DOCK3: variants seen among roughly 807,000 people sequenced by gnomAD.
DOCK3 encodes the protein dedicator of cytokinesis 3.
Under a neutral mutation model 265.6 loss-of-function variants are expected in DOCK3, and 60 were observed. The ratio of observed to expected loss-of-function variants is 0.23; its 90% CI spans 0.18 to 0.28. The LOEUF is 0.28. Among genes scored for constraint, DOCK3 ranks in the 10% least tolerant of loss-of-function variants. The pLI is 1.00. For synonymous variants in DOCK3, 881 were observed against 938.0 expected (o/e 0.94, Z 1.11); for missense variants, 1,981 against 2,594.3 (o/e 0.76, Z 5.14).
intron 1 of DOCK3, among the ~76,000 whole-genome samples, chr3:50,764,768 C>T (rs75729667): frequency 3.9e-5 from 6 of 152,112 alleles, no homozygotes; most frequent in African/African-American, 1.2e-4. Context: ...GGGAACATGA[C>T]GAGACCCCAT....
intron 23 of DOCK3, among the ~76,000 whole-genome samples, chr3:51,267,786 A>G (rs1051230597): frequency 2.6e-5 from 4 of 152,202 alleles, no homozygotes; most frequent in Non-Finnish European, 5.9e-5. Flanking sequence ...TGTGGCACAT[A>G]TACACCATGG....
chr3:50,962,894 G>T (rs886887095), intron 5 of DOCK3, among the ~76,000 whole-genome samples: 3 of 152,158 alleles, frequency 2.0e-5, no homozygotes, highest in Admixed American at 1.3e-4. Flanking sequence ...ACTTTGAAAA[G>T]AAATTATTTG....
chr3:50,959,927 G>T (rs1302621448), intron 5 of DOCK3, among the ~76,000 whole-genome samples: 1 of 152,142 alleles, frequency 6.6e-6, no homozygotes, highest in Non-Finnish European at 1.5e-5. Flanking sequence ...ATTTCATACA[G>T]TATGTTTCTT....
chr3:51,233,362 T>TATCTATC (rs1560254651), intron 19 of DOCK3, among the ~76,000 whole-genome samples: 1 of 7,830 alleles, frequency 1.3e-4, no homozygotes, highest in African/African-American at 3.1e-4. Flanking sequence ...ATCTATCTAT[T>TATCTATC]TATTTATTTA....
intron 5 of DOCK3, among the ~76,000 whole-genome samples, chr3:50,940,216 CT>C (rs745886987): frequency 6.7e-6 from 1 of 149,518 alleles, no homozygotes; most frequent in Non-Finnish European, 1.5e-5. Flanking sequence ...CTTTGGGAGG[CT>C]GAGGCAGGAA....
At chr3:51,047,452 G>C (rs2080822269) in intron 5 of DOCK3, among the ~76,000 whole-genome samples, 1 of 52,672 alleles carries the variant, frequency 1.9e-5, no homozygotes, top group South Asian at 8.6e-4. Context: ...GATAGAGAAT[G>C]GAAAACAATA....
At chr3:50,946,041 A>G (rs1336195366) in intron 5 of DOCK3, among the ~76,000 whole-genome samples, 1 of 138,122 alleles carries the variant, frequency 7.2e-6, no homozygotes, top group Admixed American at 7.8e-5. Flanking sequence ...GCTGTGAGCT[A>G]TGATTGAGCT....
intron 5 of DOCK3, among the ~76,000 whole-genome samples, chr3:50,947,999 G>A (rs2076475915): frequency 6.8e-6 from 1 of 146,156 alleles, no homozygotes; most frequent in African/African-American, 2.5e-5. Flanking sequence ...GGGACTGCAG[G>A]CACCTGCCAC....
At chr3:50,698,517 G>GTTTTTTTTTGTTTTTTTTTTTTTTTT (rs2035796074) in intron 1 of DOCK3, among the ~76,000 whole-genome samples, 1 of 19,506 alleles carries the variant, frequency 5.1e-5, no homozygotes, top group Non-Finnish European at 1.2e-4. Context: ...TATGTTTTTG[G>GTTTTTTTTTGTTTTTTTTTTTTTTTT]TTTTTTTTTT....
intron 2 of DOCK3, chr3:50,787,185 C>T: frequency 1.6e-6 from 1 of 631,918 alleles, no homozygotes; most frequent in South Asian, 1.7e-5. Flanking sequence ...AAACTTATTG[C>T]CACATTTATC....
chr3:51,251,440 C>A (rs551771198), intron 22 of DOCK3, among the ~76,000 whole-genome samples: 5 of 152,342 alleles, frequency 3.3e-5, no homozygotes, highest in African/African-American at 1.2e-4. Flanking sequence ...TGAGGAATCA[C>A]CACACTGTCT....
intron 22 of DOCK3, among the ~76,000 whole-genome samples, chr3:51,248,894 G>A (rs1443157244): frequency 6.7e-6 from 1 of 149,752 alleles, no homozygotes; most frequent in Non-Finnish European, 1.5e-5. Flanking sequence ...CACCCCGTCT[G>A]GGAGGTGAGG....
chr3:50,833,650 C>T (rs938489890), intron 2 of DOCK3, among the ~76,000 whole-genome samples: 1 of 152,106 alleles, frequency 6.6e-6, no homozygotes, highest in African/African-American at 2.4e-5. Context: ...GAATCTTGTA[C>T]AGGGACTGTG....
chr3:51,309,453 G>A (rs561962465), intron 27 of DOCK3, among the ~76,000 whole-genome samples: 172 of 152,202 alleles, frequency 1.1e-3, no homozygotes, highest in African/African-American at 3.8e-3. Flanking sequence ...GCGTGGCGGC[G>A]CGCGCCTGCA....
intron 27 of DOCK3, among the ~76,000 whole-genome samples, chr3:51,297,332 G>A (rs1009189629): frequency 6.6e-5 from 10 of 151,970 alleles, no homozygotes; most frequent in Non-Finnish European, 8.8e-5. Flanking sequence ...GAAAAAAATA[G>A]GTAAGTTAGA....
intron 22 of DOCK3, among the ~76,000 whole-genome samples, chr3:51,250,733 C>G (rs2079172435): frequency 6.6e-6 from 1 of 152,198 alleles, no homozygotes; most frequent in South Asian, 2.1e-4. Context: ...TTTGGGAAAG[C>G]TTCTCTGAGG....
intron 35 of DOCK3, among the ~76,000 whole-genome samples, chr3:51,333,725 C>T (rs377163301): frequency 6.6e-5 from 10 of 152,112 alleles, no homozygotes; most frequent in Admixed American, 6.5e-4. Context: ...TTTTCAATGC[C>T]TATATTCTTT....
intron 1 of DOCK3, among the ~76,000 whole-genome samples, chr3:50,759,671 T>TAAAA (rs35332441): frequency 8.4e-6 from 1 of 118,714 alleles, no homozygotes; most frequent in Admixed American, 9.0e-5. Flanking sequence ...ACCCCGTCTC[T>TAAAA]AAAAAAAAAA....
At chr3:50,740,082 A>G (rs908605864) in intron 1 of DOCK3, among the ~76,000 whole-genome samples, 4 of 152,028 alleles carry the variant, frequency 2.6e-5, no homozygotes, top group Admixed American at 6.6e-5. Flanking sequence ...ATTACTTTGC[A>G]TCTTCTAAGA....
Sources: gnomAD v4.1 joint callset for allele counts (sites outside exome capture counted in the v4.1 genomes callset) on GRCh38, gnomAD v4.1.1 for gene constraint, MANE v1.5 for transcripts, NCBI Gene and HGNC (gene_info 2026-07-23, HGNC 2026-07-21) for gene names.